Variants in RGS6 observed in about 807,000 individuals in gnomAD.
The protein encoded by RGS6 is regulator of G-protein signaling 6.
RGS6 carries 30 observed loss-of-function variants against 78.5 expected under a neutral mutation model. That is an observed-to-expected ratio of 0.38 (90% CI 0.29 to 0.52). The LOEUF (loss-of-function observed/expected upper bound fraction) is 0.52. Ranked by LOEUF, RGS6 falls within the 20% of genes least tolerant of loss-of-function variation. RGS6 has a pLI of 0.85. For missense variants in RGS6, 495 were observed against 609.7 expected (o/e 0.81, Z 1.98); for synonymous variants, 206 against 206.0 (o/e 1.00, Z 0.00).
chr14:72,531,007 C>A (rs1266463940), intron 15 of RGS6, among the ~76,000 whole-genome samples: 1 of 152,184 alleles, frequency 6.6e-6, no homozygotes, highest in East Asian at 1.9e-4. Flanking sequence ...ACATACTGTT[C>A]CTCAAGGCAC....
chr14:72,542,568 T>C (rs1180962530), intron 17 of RGS6, among the ~76,000 whole-genome samples: 1 of 152,256 alleles, frequency 6.6e-6, no homozygotes, highest in African/African-American at 2.4e-5. Context: ...ATGACCCATG[T>C]CATGGGGCTA....
At chr14:72,310,777 A>G (rs1229629934) in intron 2 of RGS6, among the ~76,000 whole-genome samples, 1 of 152,164 alleles carries the variant, frequency 6.6e-6, no homozygotes, top group African/African-American at 2.4e-5. Flanking sequence ...GAGCCTTCAT[A>G]AGACACAGGC....
chr14:72,167,320 G>A (rs916202225), intron 2 of RGS6, among the ~76,000 whole-genome samples: 5 of 152,208 alleles, frequency 3.3e-5, no homozygotes, highest in African/African-American at 4.8e-5. Flanking sequence ...AGTCAGTGAG[G>A]GAGAGACTCT....
intron 2 of RGS6, among the ~76,000 whole-genome samples, chr14:72,188,270 A>G (rs1042908186): frequency 6.6e-6 from 1 of 152,224 alleles, no homozygotes; most frequent in East Asian, 1.9e-4. Context: ...TTATGTATTT[A>G]TCAGTTGATG....
chr14:72,380,685 G>C (rs2085845611), intron 3 of RGS6, among the ~76,000 whole-genome samples: 1 of 152,066 alleles, frequency 6.6e-6, no homozygotes, highest in Non-Finnish European at 1.5e-5. Flanking sequence ...ATGCTGGCAA[G>C]AATGCAGAGA....
intron 2 of RGS6, among the ~76,000 whole-genome samples, chr14:72,321,812 G>A (rs185752605): frequency 6.6e-6 from 1 of 152,066 alleles, no homozygotes; most frequent in East Asian, 1.9e-4. Flanking sequence ...TAAGTAAGTA[G>A]TAAAGTTACA....
At chr14:72,391,852 C>G (rs746942050) in intron 3 of RGS6, among the ~76,000 whole-genome samples, 3 of 152,214 alleles carry the variant, frequency 2.0e-5, no homozygotes, top group Admixed American at 1.3e-4. Flanking sequence ...TGCGGTGTTT[C>G]GTTTTCTGTC....
intron 2 of RGS6, among the ~76,000 whole-genome samples, chr14:72,143,878 TTAA>T (rs1230061971): frequency 1.3e-5 from 2 of 152,196 alleles, no homozygotes; most frequent in Non-Finnish European, 2.9e-5. Context: ...TTGTTTAATG[TTAA>T]TAATATTTAT....
chr14:72,446,125 G>A (rs1343583660), intron 3 of RGS6, among the ~76,000 whole-genome samples: 1 of 152,146 alleles, frequency 6.6e-6, no homozygotes, highest in Non-Finnish European at 1.5e-5. Flanking sequence ...CAGCATGGTG[G>A]TACATGCCTG....
chr14:72,618,191 A>G, the RGS6 span, among the ~76,000 whole-genome samples: 2 of 152,184 alleles, frequency 1.3e-5, no homozygotes, highest in Non-Finnish European at 2.9e-5. Flanking sequence ...ATTTGTTTAG[A>G]TAACAATCTT....
At chr14:72,159,528 T>G (rs2096823684) in intron 2 of RGS6, among the ~76,000 whole-genome samples, 1 of 152,230 alleles carries the variant, frequency 6.6e-6, no homozygotes, top group South Asian at 2.1e-4. Flanking sequence ...CTTTGAACCC[T>G]TCTTGGCCAT....
At chr14:72,575,609 C>A in the RGS6 span, among the ~76,000 whole-genome samples, 1 of 152,150 alleles carries the variant, frequency 6.6e-6, no homozygotes, top group African/African-American at 2.4e-5. Context: ...TTCTCCACCA[C>A]CTCCATCAGT....
intron 2 of RGS6, among the ~76,000 whole-genome samples, chr14:72,178,154 T>C (rs1439905733): frequency 6.6e-6 from 1 of 152,234 alleles, no homozygotes; most frequent in East Asian, 1.9e-4. Flanking sequence ...CTTCCAGTCA[T>C]TCATTCATTC....
intron 2 of RGS6, among the ~76,000 whole-genome samples, chr14:72,085,469 C>T (rs931391808): frequency 1.3e-5 from 2 of 152,110 alleles, no homozygotes; most frequent in African/African-American, 4.8e-5. Context: ...AGGGTCCCAG[C>T]CCAGAGATTT....
At chr14:72,475,828 A>ACG (rs199709335) in intron 10 of RGS6, among the ~76,000 whole-genome samples, 85 of 140,246 alleles carry the variant, frequency 6.1e-4, no homozygotes, top group East Asian at 1.1e-3. Context: ...AAAAAAATAC[A>ACG]CGCACACACA....
intron 2 of RGS6, among the ~76,000 whole-genome samples, chr14:72,225,949 C>G (rs1468348408): frequency 6.6e-6 from 1 of 152,132 alleles, no homozygotes; most frequent in Non-Finnish European, 1.5e-5. Context: ...ATGCTTATAG[C>G]CATTAACATT....
chr14:71,956,390 A>C (rs2153018258), intron 1 of RGS6, among the ~76,000 whole-genome samples: 1 of 151,788 alleles, frequency 6.6e-6, no homozygotes, highest in East Asian at 1.9e-4. Flanking sequence ...AATAGTATAT[A>C]TATAACAGTG....
chr14:72,239,382 G>A (rs1431046033), intron 2 of RGS6, among the ~76,000 whole-genome samples: 2 of 152,148 alleles, frequency 1.3e-5, no homozygotes, highest in African/African-American at 4.8e-5. Flanking sequence ...CTTCTCCCTG[G>A]AGCCTGCGTT....
the RGS6 span, among the ~76,000 whole-genome samples, chr14:71,890,794 G>T: frequency 1.3e-5 from 2 of 152,204 alleles, no homozygotes; most frequent in East Asian, 3.8e-4. Context: ...ACTATTATTA[G>T]TGAAAAGGAT....
Sources: allele counts gnomAD v4.1 joint callset (sites outside exome capture counted in the v4.1 genomes callset), GRCh38; gene constraint gnomAD v4.1.1; transcripts MANE v1.5; gene names NCBI Gene and HGNC (gene_info 2026-07-23, HGNC 2026-07-21).